Variants in CTNND2 observed in about 807,000 individuals in gnomAD.
CTNND2 encodes the protein catenin delta-2.
A neutral mutation model predicts 144.4 loss-of-function variants in CTNND2; 22 were observed. That is an observed-to-expected ratio of 0.15 (90% confidence interval 0.11 to 0.22). The LOEUF (loss-of-function observed/expected upper bound fraction) is 0.22. Ranked by LOEUF, CTNND2 falls within the 10% of genes least tolerant of loss-of-function variation. The pLI, the probability that CTNND2 is intolerant of heterozygous loss-of-function variation, is 1.00. For missense variants in CTNND2, 1,353 were observed against 1,618.8 expected (o/e 0.84, Z 2.82); for synonymous variants, 751 against 695.6 (o/e 1.08, Z -1.25).
chr5:11,111,758 T>C (rs572149295), intron 13 of CTNND2, among the ~76,000 whole-genome samples: 4 of 152,276 alleles, frequency 2.6e-5, no homozygotes, highest in South Asian at 4.1e-4. Flanking sequence ...AAAATGGTCA[T>C]AACAGGTCCC....
chr5:11,606,261 A>G (rs1780038258), intron 2 of CTNND2, among the ~76,000 whole-genome samples: 3 of 152,206 alleles, frequency 2.0e-5, no homozygotes, highest in Admixed American at 1.3e-4. Flanking sequence ...CTCCAGAAAG[A>G]AATGCAGGCC....
intron 2 of CTNND2, among the ~76,000 whole-genome samples, chr5:11,606,439 G>C (rs1003505225): frequency 2.0e-5 from 3 of 152,292 alleles, no homozygotes; most frequent in South Asian, 4.1e-4. Context: ...GTAAGGGAAA[G>C]AGACACATTG....
intron 16 of CTNND2, 90 bp from the exon 17 acceptor site, chr5:11,023,069 C>T (rs980314557): frequency 2.4e-5 from 27 of 1,137,664 alleles, no homozygotes; most frequent in East Asian, 7.4e-5. Flanking sequence ...GAAGAGAATA[C>T]GAGAGGCCAC....
intron 15 of CTNND2, among the ~76,000 whole-genome samples, chr5:11,087,814 T>C (rs1391059373): frequency 6.6e-6 from 1 of 152,232 alleles, no homozygotes; most frequent in African/African-American, 2.4e-5. Context: ...GGGCAAAGAC[T>C]GAATTTTAGC....
chr5:11,755,743 T>C (rs1297012477), intron 1 of CTNND2, among the ~76,000 whole-genome samples: 1 of 151,480 alleles, frequency 6.6e-6, no homozygotes, highest in Non-Finnish European at 1.5e-5. Flanking sequence ...CTTGCAATTA[T>C]ATTATGAAAT....
chr5:11,024,162 G>C (rs763042030), intron 16 of CTNND2, among the ~76,000 whole-genome samples: 4 of 152,198 alleles, frequency 2.6e-5, no homozygotes, highest in Admixed American at 6.5e-5. Context: ...AGTAGGCGAT[G>C]ATATCTTAAT....
chr5:10,972,765 C>A lies in CTNND2; in HGVS notation c.*688G>T, dbSNP rs1221453922. On this transcript the variant is annotated 3_prime_UTR_variant, in exon 22 of 22. Coordinates refer to ENST00000304623, the MANE Select transcript of CTNND2 (RefSeq NM_001332.4). The stretch of plus-strand genomic sequence containing the variant: ...GAACGAACAATACTGCTAAATATTC[C>A]TTTTTTCCTGCTTTTTTTTTTTTTT... 2 of 150,306 alleles carry A rather than the reference C, an allele frequency of 1.3e-5. No individual in the cohort carries two copies. Among genetic ancestry groups the A allele is most frequent in the Admixed American group, 6.6e-5 (1 of 15,046 alleles). The allele number at this position is 150,306 out of a possible 1,614,324, so 9.3% of individuals were successfully genotyped here. A position where few individuals can be genotyped will look rare whatever the true frequency, so the allele number is the denominator to read the frequency against.
intron 9 of CTNND2, among the ~76,000 whole-genome samples, chr5:11,244,446 G>C (rs980025793): frequency 6.6e-6 from 1 of 151,884 alleles, no homozygotes; most frequent in African/African-American, 2.4e-5. Flanking sequence ...CACCACACCT[G>C]GCTAATTTTT....
chr5:11,078,825 C>T (rs951249565), intron 16 of CTNND2, among the ~76,000 whole-genome samples: 2 of 143,768 alleles, frequency 1.4e-5, no homozygotes, highest in Non-Finnish European at 3.1e-5. Context: ...TTGGAGCTAA[C>T]GACCTACTTT....
intron 9 of CTNND2, among the ~76,000 whole-genome samples, chr5:11,329,108 C>G (rs1164997982): frequency 6.6e-6 from 1 of 152,124 alleles, no homozygotes; most frequent in Non-Finnish European, 1.5e-5. Flanking sequence ...GGACACCAGT[C>G]CTATTGAATT....
intron 9 of CTNND2, among the ~76,000 whole-genome samples, chr5:11,246,725 G>A (rs528188451): frequency 5.4e-4 from 82 of 151,384 alleles, no homozygotes; most frequent in African/African-American, 1.9e-3. Flanking sequence ...GTAGGTGGGT[G>A]GGGGGGTGGG....
intron 10 of CTNND2, among the ~76,000 whole-genome samples, chr5:11,224,222 C>T (rs1740092347): frequency 1.3e-5 from 2 of 152,188 alleles, no homozygotes; most frequent in South Asian, 4.1e-4. Flanking sequence ...ATGGTCCTTT[C>T]CACTCAAAGC....
At chr5:11,521,024 T>G (rs1175729661) in intron 3 of CTNND2, among the ~76,000 whole-genome samples, 1 of 152,232 alleles carries the variant, frequency 6.6e-6, no homozygotes, top group African/African-American at 2.4e-5. Flanking sequence ...TTTTCCGATT[T>G]TCTATATTTT....
intron 5 of CTNND2, among the ~76,000 whole-genome samples, chr5:11,410,992 C>T (rs1377493948): frequency 6.6e-6 from 1 of 151,814 alleles, no homozygotes; most frequent in East Asian, 1.9e-4. Flanking sequence ...CTGCCTCAGC[C>T]TCTTGAATAG....
At chr5:11,125,762 G>GTGTAA (rs1754612576) in intron 12 of CTNND2, among the ~76,000 whole-genome samples, 4 of 152,202 alleles carry the variant, frequency 2.6e-5, no homozygotes, top group Admixed American at 6.5e-5. Flanking sequence ...TATTAAGACA[G>GTGTAA]CGGGGGAAAT....
intron 1 of CTNND2, among the ~76,000 whole-genome samples, chr5:11,772,067 A>G (rs1789974360): frequency 6.6e-6 from 1 of 152,208 alleles, no homozygotes; most frequent in Admixed American, 6.5e-5. Flanking sequence ...TTATTTTACA[A>G]TTTGAACATG....
chr5:11,709,714 A>AAC (rs917717237), intron 2 of CTNND2, among the ~76,000 whole-genome samples: 1 of 152,210 alleles, frequency 6.6e-6, no homozygotes, highest in Non-Finnish European at 1.5e-5. Context: ...GAAGCCTTAA[A>AAC]ACAAGTGCAA....
chr5:11,143,473 T>C (rs1378808287), intron 12 of CTNND2, among the ~76,000 whole-genome samples: 1 of 152,198 alleles, frequency 6.6e-6, no homozygotes, highest in East Asian at 1.9e-4. Context: ...TCTATTGGCT[T>C]GTAGGAGCAG....
intron 2 of CTNND2, among the ~76,000 whole-genome samples, chr5:11,600,239 A>G (rs893157169): frequency 5.9e-5 from 9 of 152,200 alleles, no homozygotes; most frequent in African/African-American, 1.9e-4. Flanking sequence ...CAAGTATGGG[A>G]AAAACATTTG....
Sources: allele counts gnomAD v4.1 joint callset (sites outside exome capture counted in the v4.1 genomes callset), GRCh38; gene constraint gnomAD v4.1.1; transcripts MANE v1.5; gene names NCBI Gene and HGNC (gene_info 2026-07-23, HGNC 2026-07-21).